Variants in XRN1 observed in about 807,000 individuals in gnomAD.
XRN1 encodes the protein 5'-3' exoribonuclease 1, also known as strand-exchange protein 1 homolog.
In XRN1, 67 loss-of-function variants were observed where a neutral mutation model predicts 222.3. The ratio of observed to expected loss-of-function variants is 0.30; its 90% CI spans 0.25 to 0.37. The LOEUF is 0.37. Among genes scored for constraint, XRN1 ranks in the 10% least tolerant of loss-of-function variants. XRN1 has a pLI of 1.00. For missense variants in XRN1, 1,707 were observed against 2,000.2 expected (o/e 0.85, Z 2.80); for synonymous variants, 643 against 652.4 (o/e 0.99, Z 0.22).
intron 15 of XRN1, among the ~76,000 whole-genome samples, chr3:142,408,660 T>C (rs976571329): frequency 3.3e-5 from 5 of 152,232 alleles, no homozygotes; most frequent in Non-Finnish European, 5.9e-5. Flanking sequence ...ATGAATAGTC[T>C]TGTACAAAAC....
At chr3:142,444,245 G>A (rs560447267) in intron 1 of XRN1, among the ~76,000 whole-genome samples, 74 of 152,304 alleles carry the variant, frequency 4.9e-4, no homozygotes, top group African/African-American at 1.6e-3. Context: ...AGTAGTTCAA[G>A]ATCAGAGTGG....
chr3:142,447,951 C>G lies in XRN1; in HGVS notation c.-7G>C. ...AAAACTTGGGGACTCCCATTTCGAT[C>G]GTCAACACTAATCCCAGTCAGGGCC... On this transcript the variant is annotated 5_prime_UTR_variant, in exon 1 of 41. Coordinates refer to ENST00000392981, the MANE Select transcript of XRN1 (RefSeq NM_001282857.2). This position sits in a 1 kb window ranked among gnomAD's most constrained non-coding sequence, Gnocchi z 4.2. The G allele has an allele frequency of 6.2e-7, 1 of 1,613,714 alleles. No homozygotes were observed.
chr3:142,327,177 C>T (rs746539263), intron 37 of XRN1, among the ~76,000 whole-genome samples: 1 of 152,088 alleles, frequency 6.6e-6, no homozygotes, highest in African/African-American at 2.4e-5. Context: ...CTGAGTAGAA[C>T]TCTTATTAGC....
chr3:142,442,473 C>T (rs750123951), intron 1 of XRN1, among the ~76,000 whole-genome samples: 20 of 152,282 alleles, frequency 1.3e-4, no homozygotes, highest in African/African-American at 3.4e-4. Flanking sequence ...GGGAAGCTCA[C>T]GAGGACATAG....
rs571300957 is a variant in XRN1 at position 142,356,161 on chromosome 3, T to A, written c.3673-665A>T. On this transcript the variant is annotated intron_variant, in intron 31 of 40. Transcript: ENST00000392981. ...TTAAAATACATTCTCTCACTCAAAT[T>A]GACACCTAAAGATTTTATTTTTAAA... 4.1e-4 allele frequency among the ~76,000 whole-genome samples: 62 copies of A among 152,286 alleles called. 1 individual carries two copies. The South Asian group carries it at 0.013, about 31-fold the overall frequency.
Position 142,356,987 on chromosome 3 carries a change from G to C in XRN1, c.3597C>G (p.Ser1199Arg), listed in dbSNP as rs771740125. The C allele has an allele frequency of 9.3e-6, 15 of 1,613,976 alleles. No individual in the cohort carries two copies. Among genetic ancestry groups the C allele is most frequent in the Middle Eastern group, 3.3e-4 (2 of 6,082 alleles). Residue 1199 changes from serine (S) to arginine (R), a missense_variant, in exon 31 of 41, where the codon AGC (serine) becomes AGG (arginine). Ser to Arg is a moderately radical substitution (Grantham distance 110). Coordinates refer to ENST00000392981, the MANE Select transcript of XRN1 (RefSeq NM_001282857.2). ...GCCCAGAGGAAACTGATGAACTTGA[G>C]CTATGTTGATGTACAGCTGGTTGTG... ...VKPQPAVHQH[S>R]SSSSVSSGHL...
intron 33 of XRN1, among the ~76,000 whole-genome samples, chr3:142,338,877 A>G (rs1209738950): frequency 2.0e-5 from 3 of 152,198 alleles, no homozygotes; most frequent in Non-Finnish European, 4.4e-5. Flanking sequence ...CAGAAAGTGA[A>G]GGGAAGAGTG....
At chr3:142,408,139 C>T (rs1477716090) in intron 15 of XRN1, among the ~76,000 whole-genome samples, 3 of 152,282 alleles carry the variant, frequency 2.0e-5, no homozygotes, top group Admixed American at 1.3e-4. Context: ...AACATAAATG[C>T]TTCCTATTTT....
At chr3:142,446,469 T>A (rs1036714256) in intron 1 of XRN1, among the ~76,000 whole-genome samples, 3 of 152,218 alleles carry the variant, frequency 2.0e-5, no homozygotes, top group Non-Finnish European at 4.4e-5. Flanking sequence ...TTAAAGAGAT[T>A]TTCATTCTTC....
intron 26 of XRN1, among the ~76,000 whole-genome samples, chr3:142,370,827 T>C (rs552264856): frequency 1.3e-4 from 20 of 152,034 alleles, no homozygotes; most frequent in Admixed American, 5.2e-4. Context: ...TTGATATAAA[T>C]GAAAGAAAAT....
chr3:142,412,091 T>C (rs1469977503), intron 15 of XRN1, among the ~76,000 whole-genome samples: 1 of 152,216 alleles, frequency 6.6e-6, no homozygotes, highest in Admixed American at 6.5e-5. Flanking sequence ...CCCAAAGTGC[T>C]GGGATTACAG....
At chr3:142,329,732 T>C (rs1236874905) in intron 36 of XRN1, 117 bp from the exon 37 acceptor site, 2 of 900,178 alleles carry the variant, frequency 2.2e-6, no homozygotes, top group Non-Finnish European at 3.2e-6. Context: ...TGAAGTGAAT[T>C]GCTCAAGGCC....
At chr3:142,359,560 G>C (rs1424956020) in intron 30 of XRN1, among the ~76,000 whole-genome samples, 1 of 152,050 alleles carries the variant, frequency 6.6e-6, no homozygotes, top group African/African-American at 2.4e-5. Context: ...TCCTCAAAGA[G>C]GCCTTTCTGT....
intron 37 of XRN1, among the ~76,000 whole-genome samples, chr3:142,328,587 G>A (rs1382173820): frequency 6.7e-6 from 1 of 150,126 alleles, no homozygotes; most frequent in Non-Finnish European, 1.5e-5. Context: ...TCCATTTGTT[G>A]AGGAAAAGAA....
At chr3:142,404,867 A>C in intron 16 of XRN1, 40 bp downstream of exon 16, 1 of 1,603,586 alleles carries the variant, frequency 6.2e-7, no homozygotes. Context: ...TTGTGTTAGG[A>C]GCGCTCTTTT....
chr3:142,423,543 T>A lies in XRN1; in HGVS notation c.710+17A>T, dbSNP rs376358170. 4 of 1,571,030 alleles carry A rather than the reference T, an allele frequency of 2.5e-6. No individual in the cohort carries two copies. The highest frequency in any genetic ancestry group is 3.4e-6 in the Non-Finnish European group (4 of 1,160,418). ...GGCGTAATTTCTTTCTTCCAACATA[T>A]ATGCTATATAATTTACCGTTGTGTT... On this transcript the variant is annotated intron_variant, in intron 6 of 40. Transcript: ENST00000392981.
intron 15 of XRN1, among the ~76,000 whole-genome samples, chr3:142,406,301 A>G (rs2068334818): frequency 6.6e-6 from 1 of 152,212 alleles, no homozygotes; most frequent in South Asian, 2.1e-4. Context: ...GAATATCCAT[A>G]TGCAGAAGAA....
At chr3:142,347,440 AGTTCCTT>A in intron 32 of XRN1, 98 bp from the exon 33 acceptor site, 1 of 788,428 alleles carries the variant, frequency 1.3e-6, no homozygotes. Flanking sequence ...AAAATTATAT[AGTTCCTT>A]AGAAAAAAAC....
intron 25 of XRN1, among the ~76,000 whole-genome samples, chr3:142,374,009 A>C (rs899341743): frequency 6.6e-6 from 1 of 152,074 alleles, no homozygotes; most frequent in Non-Finnish European, 1.5e-5. Flanking sequence ...TAAAAACAAA[A>C]TTCTGAGGGA....
Sources: allele counts gnomAD v4.1 joint callset (sites outside exome capture counted in the v4.1 genomes callset), GRCh38; gene constraint gnomAD v4.1.1; non-coding constraint Gnocchi (gnomAD v3.1); transcripts MANE v1.5; gene names NCBI Gene and HGNC (gene_info 2026-07-23, HGNC 2026-07-21).